Variants in TEX36 observed in about 807,000 individuals in gnomAD.
The protein encoded by TEX36 is testis-expressed protein 36.
In TEX36, 12 loss-of-function variants were observed where a neutral mutation model predicts 13.6. The observed-to-expected ratio is 0.88, with a 90% CI of 0.56 to 1.43. TEX36 has a LOEUF of 1.43. Ranked by LOEUF, TEX36 falls within the 40% of genes most tolerant of loss-of-function variation. The pLI, the probability that TEX36 is intolerant of heterozygous loss-of-function variation, is 0.00. For synonymous variants in TEX36, 93 were observed against 83.0 expected, an observed-to-expected ratio of 1.12 and a Z score of -0.65; for missense variants, 224 against 228.3, an observed-to-expected ratio of 0.98 and a Z score of 0.12.
At chr10:125,679,137 C>A (rs1406745293) in intron 1 of TEX36, among the ~76,000 whole-genome samples, 1 of 129,942 alleles carries the variant, frequency 7.7e-6, no homozygotes, top group African/African-American at 3.5e-5. Flanking sequence ...GCTACAGGAG[C>A]ACCCCCCCCG....
At chr10:125,598,143 G>A (rs1846104436) in intron 3 of TEX36, among the ~76,000 whole-genome samples, 1 of 152,130 alleles carries the variant, frequency 6.6e-6, no homozygotes, top group African/African-American at 2.4e-5. Flanking sequence ...CTAGCCTCAT[G>A]TCAGCAGGAC....
At chr10:125,637,280 G>A (rs866315384) in intron 3 of TEX36, among the ~76,000 whole-genome samples, 25 of 151,414 alleles carry the variant, frequency 1.7e-4, no homozygotes, top group Middle Eastern at 6.8e-3. Context: ...CTGCACTCCA[G>A]CCTGAGTGAC....
chr10:125,680,764 C>G (rs1847381077), intron 1 of TEX36, among the ~76,000 whole-genome samples: 1 of 152,200 alleles, frequency 6.6e-6, no homozygotes, highest in African/African-American at 2.4e-5. Flanking sequence ...CTCTTAGGTG[C>G]TGACAGCAGA....
intron 1 of TEX36, chr10:125,667,182 C>T (rs570211530): frequency 4.0e-5 from 26 of 652,728 alleles, no homozygotes; most frequent in Admixed American, 1.9e-4. Context: ...TGCGGTGCAG[C>T]GTTGTGACAG....
intron 3 of TEX36, among the ~76,000 whole-genome samples, chr10:125,585,538 T>C (rs1471033760): frequency 6.6e-6 from 1 of 152,110 alleles, no homozygotes; most frequent in African/African-American, 2.4e-5. Flanking sequence ...ACCCCAAAGC[T>C]AGCCATAAAA....
Position 125,610,619 on chromosome 10 carries a change from C to T in TEX36, c.265-33745G>A, listed in dbSNP as rs556397548. On this transcript the variant is annotated intron_variant, in intron 3 of 3. Coordinates refer to the TEX36 transcript ENST00000532135. Reference sequence around the variant, plus strand: ...GAATTCATTTTCTGCCAATTTGTAGCAACTTTTGCATTTTGGGGATCTATC... The same window carrying T: ...GAATTCATTTTCTGCCAATTTGTAGTAACTTTTGCATTTTGGGGATCTATC... Among the ~76,000 whole-genome samples, 13 of 152,132 alleles carry T rather than the reference C, an allele frequency of 8.5e-5. No homozygotes were observed. In the South Asian group the frequency reaches 2.7e-3, roughly 31 times the overall value.
chr10:125,655,063 T>C (rs1221233180), downstream of TEX36, among the ~76,000 whole-genome samples: 2 of 152,224 alleles, frequency 1.3e-5, no homozygotes, highest in Non-Finnish European at 2.9e-5. Flanking sequence ...GAATTTGTAT[T>C]TGGGAATATA....
chr10:125,618,361 C>T (rs968612984), downstream of TEX36, among the ~76,000 whole-genome samples: 56 of 152,186 alleles, frequency 3.7e-4, no homozygotes, highest in African/African-American at 1.3e-3. Context: ...AGGAGAGGCG[C>T]TCTGCTTTTT....
intron 1 of TEX36, among the ~76,000 whole-genome samples, chr10:125,671,729 T>C (rs1010370201): frequency 6.6e-6 from 1 of 152,226 alleles, no homozygotes; most frequent in African/African-American, 2.4e-5. Flanking sequence ...TTTGTACCTC[T>C]GGTAGAATTC....
downstream of TEX36, among the ~76,000 whole-genome samples, chr10:125,618,308 A>T (rs1846383701): frequency 6.6e-6 from 1 of 152,162 alleles, no homozygotes; most frequent in Non-Finnish European, 1.5e-5. Flanking sequence ...TTCTCCATCC[A>T]GCTTTGTTCC....
At position 125,600,571 on chromosome 10, in the gene TEX36, G is replaced by T. The variant is rs1391319950; in HGVS notation, c.265-23697C>A. ...AAAATCAGAAAAAAGAAAGCCCTTGGATCTAGCCCTACATGCTACATTTGT... is the reference window on the plus strand; with the variant it reads ...AAAATCAGAAAAAAGAAAGCCCTTGTATCTAGCCCTACATGCTACATTTGT... On this transcript the variant is annotated intron_variant, in intron 3 of 3. Coordinates refer to the TEX36 transcript ENST00000532135. Among the ~76,000 whole-genome samples, 6 of 152,274 alleles carry T rather than the reference G, an allele frequency of 3.9e-5. No homozygotes were observed. In the East Asian group the frequency reaches 9.6e-4, roughly 24 times the overall value.
downstream of TEX36, among the ~76,000 whole-genome samples, chr10:125,655,299 G>A (rs993431377): frequency 1.3e-5 from 2 of 152,088 alleles, no homozygotes; most frequent in Admixed American, 6.6e-5. Flanking sequence ...ACAAAAATTA[G>A]CCCAGCGTGA....
chr10:125,578,763 C>A (rs1166711621), intron 3 of TEX36, among the ~76,000 whole-genome samples: 2 of 152,172 alleles, frequency 1.3e-5, no homozygotes, highest in Non-Finnish European at 2.9e-5. Flanking sequence ...CAGCCATTAT[C>A]CCCACAGGAG....
chr10:125,606,284 G>A (rs554936044), intron 3 of TEX36, among the ~76,000 whole-genome samples: 9 of 152,248 alleles, frequency 5.9e-5, no homozygotes, highest in South Asian at 2.1e-4. Context: ...ACATCTCTCC[G>A]AAAATCCAAA....
chr10:125,665,091 T>C (rs1022192803), intron 1 of TEX36, among the ~76,000 whole-genome samples: 3 of 152,162 alleles, frequency 2.0e-5, no homozygotes, highest in South Asian at 2.1e-4. Flanking sequence ...TTGTTGTTGT[T>C]GTTGTTGTTT....
intron 1 of TEX36, among the ~76,000 whole-genome samples, chr10:125,681,047 G>A (rs1212274586): frequency 6.6e-6 from 1 of 152,210 alleles, no homozygotes; most frequent in Admixed American, 6.5e-5. Flanking sequence ...GGTCTAGGGA[G>A]CAGGCTCCAG....
chr10:125,618,314 G>T (rs933083313), downstream of TEX36, among the ~76,000 whole-genome samples: 1 of 152,058 alleles, frequency 6.6e-6, no homozygotes, highest in Non-Finnish European at 1.5e-5. Flanking sequence ...ATCCAGCTTT[G>T]TTCCGTTGCT....
intron 1 of TEX36, among the ~76,000 whole-genome samples, chr10:125,663,328 T>C (rs931227801): frequency 3.3e-5 from 5 of 152,246 alleles, no homozygotes; most frequent in African/African-American, 1.2e-4. Context: ...GTTGATTCTA[T>C]GTCTTTGCTA....
intron 3 of TEX36, among the ~76,000 whole-genome samples, chr10:125,657,024 C>T (rs61403208): frequency 0.023 from 3,514 of 151,982 alleles, 151 homozygotes; most frequent in African/African-American, 0.08. Context: ...CATTCACTCT[C>T]AGCACCTTAC....
Sources: gnomAD v4.1 joint callset for allele counts (sites outside exome capture counted in the v4.1 genomes callset) on GRCh38, gnomAD v4.1.1 for gene constraint, MANE v1.5 for transcripts, NCBI Gene and HGNC (gene_info 2026-07-23, HGNC 2026-07-21) for gene names.